The following MFSD1 variants were observed in gnomAD, a reference collection of about 807,000 sequenced individuals.
MFSD1 encodes lysosomal dipeptide transporter MFSD1.
In MFSD1, 59 loss-of-function variants were observed where a neutral mutation model predicts 67.1. That is an observed-to-expected ratio of 0.88 (90% CI 0.71 to 1.09). The LOEUF is 1.09. MFSD1 is among the 50% of genes least tolerant of loss of function. MFSD1 has a pLI of 0.00. For missense variants in MFSD1, 552 were observed against 566.1 expected (o/e 0.97, Z 0.25); for synonymous variants, 213 against 200.3 (o/e 1.06, Z -0.54).
At position 158,821,997 on chromosome 3, in the gene MFSD1, A is replaced by T; in HGVS notation, c.934A>T (p.Ile312Leu). The change falls in exon 11 of 16, where the codon ATA (isoleucine) becomes TTA (leucine). Residue 312 changes from isoleucine to leucine, a missense_variant. By Grantham distance (5) the Ile-to-Leu change is conservative. Coordinates refer to ENST00000415822, the MANE Select transcript of MFSD1 (RefSeq NM_022736.4). ...ASAINSVVYV[I>L]SAPMSPVFGL... ...TTCTCTGGGCAGTGTTGTATATGTC[A>T]TATCAGCTCCCATGTCCCCGGTGTT... 1 of 1,613,668 alleles carries T rather than the reference A, an allele frequency of 6.2e-7. No individual in the cohort carries two copies. The highest frequency in any genetic ancestry group is 8.5e-7 in the Non-Finnish European group (1 of 1,179,694).
intron 12 of MFSD1, among the ~76,000 whole-genome samples, 160 bp from the exon 13 acceptor site, chr3:158,823,964 T>TA (rs1265677423): frequency 6.6e-6 from 1 of 152,214 alleles, no homozygotes; most frequent in Non-Finnish European, 1.5e-5. Flanking sequence ...AGTTATGGGA[T>TA]AAAAACCAAT....
chr3:158,810,109 C>T (rs562055228), intron 6 of MFSD1, among the ~76,000 whole-genome samples: 2 of 152,238 alleles, frequency 1.3e-5, no homozygotes, highest in South Asian at 2.1e-4. Flanking sequence ...ATGGTAGCCT[C>T]GACCTCCCAG....
intron 1 of MFSD1, chr3:158,802,750 G>T (rs1275189090): frequency 9.7e-5 from 35 of 360,574 alleles, no homozygotes; most frequent in South Asian, 7.1e-4. Flanking sequence ...ACCCAGCCCG[G>T]AGTGCAGTGT....
chr3:158,828,841 A>G, intron 15 of MFSD1, 138 bp from the exon 16 acceptor site: 4 of 682,198 alleles, frequency 5.9e-6, no homozygotes, highest in Non-Finnish European at 8.9e-6. Context: ...GAAGAGTTAA[A>G]AAATTGCTCA....
At chr3:158,818,122 G>C (rs1730473449) in intron 7 of MFSD1, among the ~76,000 whole-genome samples, 1 of 152,122 alleles carries the variant, frequency 6.6e-6, no homozygotes, top group Non-Finnish European at 1.5e-5. Context: ...CCTGTGGTGT[G>C]CATTTGGCTG....
Position 158,827,280 on chromosome 3 carries a change from G to A in MFSD1, c.1337G>A (p.Gly446Asp). The change falls in exon 15 of 16, where the codon GGT (glycine) becomes GAT (aspartate). Residue 446 changes from glycine to aspartate, a missense_variant and splice_region_variant. By Grantham distance (94) the Gly-to-Asp change is moderately conservative (BLOSUM62 -1). Coordinates refer to ENST00000415822, the MANE Select transcript of MFSD1 (RefSeq NM_022736.4). ...AGATCTATGTTTATTTGTGTTTTAG[G>A]TGGGAACCTAAATTATTCTGCAAGA... ...VLLYLVNRAQ[G>D]GNLNYSARQR... 6.5e-7 allele frequency: 1 copy of A among 1,549,734 alleles called. No individual in the cohort carries two copies. The highest frequency in any genetic ancestry group is 8.7e-7 in the Non-Finnish European group (1 of 1,148,342).
At chr3:158,816,656 G>T (rs1188659275) in intron 7 of MFSD1, among the ~76,000 whole-genome samples, 65 of 150,612 alleles carry the variant, frequency 4.3e-4, no homozygotes, top group East Asian at 2.1e-3. Flanking sequence ...TTAGTTTAAT[G>T]AGATCCCATT....
intron 9 of MFSD1, 50 bp from the exon 10 acceptor site, chr3:158,821,547 A>G (rs756548345): frequency 8.3e-7 from 1 of 1,198,390 alleles, no homozygotes; most frequent in Non-Finnish European, 1.2e-6. Flanking sequence ...TTTTTTGAAA[A>G]CAGAGTAGTT....
chr3:158,814,871 T>C (rs1017628142), intron 7 of MFSD1, among the ~76,000 whole-genome samples: 1 of 151,854 alleles, frequency 6.6e-6, no homozygotes, highest in Non-Finnish European at 1.5e-5. Flanking sequence ...TCACCTGAGG[T>C]CGGGAGTTCT....
At chr3:158,809,536 C>T (rs1298730379) in intron 6 of MFSD1, among the ~76,000 whole-genome samples, 1 of 151,996 alleles carries the variant, frequency 6.6e-6, no homozygotes, top group East Asian at 1.9e-4. Context: ...AGGGAGAGAT[C>T]CTGTAAGTTT....
intron 11 of MFSD1, 49 bp from the exon 12 acceptor site, chr3:158,823,378 AC>A: frequency 7.9e-7 from 1 of 1,258,342 alleles, no homozygotes; most frequent in Non-Finnish European, 1.2e-6. Flanking sequence ...AAGGAAAATC[AC>A]CTTTTGGTTA....
intron 1 of MFSD1, chr3:158,802,626 AT>A (rs1729517371): frequency 1.6e-6 from 1 of 626,238 alleles, no homozygotes; most frequent in Non-Finnish European, 2.9e-6. Flanking sequence ...GTAACTCCAG[AT>A]TTTCAAGGTT....
At chr3:158,811,286 G>A (rs1000847728) in intron 6 of MFSD1, among the ~76,000 whole-genome samples, 4 of 152,148 alleles carry the variant, frequency 2.6e-5, no homozygotes, top group Non-Finnish European at 5.9e-5. Flanking sequence ...AGCTCCTGCT[G>A]TACTTTTCAC....
chr3:158,804,858 G>A (rs912341003), intron 2 of MFSD1, among the ~76,000 whole-genome samples: 2 of 152,054 alleles, frequency 1.3e-5, no homozygotes, highest in African/African-American at 4.8e-5. Context: ...TGGGTATTTA[G>A]TCTCTTTTCT....
intron 7 of MFSD1, among the ~76,000 whole-genome samples, chr3:158,816,159 G>A (rs1730329823): frequency 2.6e-5 from 4 of 152,096 alleles, no homozygotes; most frequent in East Asian, 3.9e-4. Context: ...AGTCCTTTGG[G>A]TATATACCCA....
At chr3:158,806,256 A>G (rs764168801) in intron 3 of MFSD1, among the ~76,000 whole-genome samples, 10 of 152,158 alleles carry the variant, frequency 6.6e-5, no homozygotes, top group Non-Finnish European at 1.5e-4. Context: ...TTTGATCTCA[A>G]GAGAGAGAAT....
Position 158,819,639 on chromosome 3 carries a change from TTTTA to T in MFSD1, c.653-5_653-2del, listed in dbSNP as rs772923872. 2.9e-6 allele frequency: 4 copies of T among 1,389,690 alleles called. No homozygotes were observed. The highest frequency in any genetic ancestry group is 2.0e-6 in the Non-Finnish European group (2 of 1,016,972). The allele number at this position is 1,389,690 out of a possible 1,614,324, so 86.1% of individuals were successfully genotyped here. A position where few individuals can be genotyped will look rare whatever the true frequency, so the allele number is the denominator to read the frequency against. On this transcript the variant is annotated splice_polypyrimidine_tract_variant and splice_region_variant and intron_variant, in intron 7 of 15. Transcript: ENST00000415822. ...AAGTCTGTTTTTCTTTTTTTTTTTT[TTTTA>T]TTTAGGGGGTATAACGTGTATTCTT...
chr3:158,823,937 A>G (rs973979240), intron 12 of MFSD1, among the ~76,000 whole-genome samples, 187 bp from the exon 13 acceptor site: 1 of 152,328 alleles, frequency 6.6e-6, no homozygotes, highest in East Asian at 1.9e-4. Context: ...ACCTTTGAGC[A>G]GTCTAGTAGT....
intron 7 of MFSD1, among the ~76,000 whole-genome samples, chr3:158,814,510 G>A (rs1207875282): frequency 6.6e-6 from 1 of 151,724 alleles, no homozygotes; most frequent in African/African-American, 2.4e-5. Context: ...TAGTAGAGAT[G>A]GAGTTTCACC....
Sources: gnomAD v4.1 joint callset for allele counts (sites outside exome capture counted in the v4.1 genomes callset) on GRCh38, gnomAD v4.1.1 for gene constraint, MANE v1.5 for transcripts, NCBI Gene and HGNC (gene_info 2026-07-23, HGNC 2026-07-21) for gene names.